NCAM2: variants seen among roughly 807,000 people sequenced by gnomAD.
The protein encoded by NCAM2 is neural cell adhesion molecule 2.
A neutral mutation model predicts 98.1 loss-of-function variants in NCAM2; 30 were observed. The observed-to-expected ratio is 0.31, with a 90% CI of 0.23 to 0.41. NCAM2 has a LOEUF of 0.41. Among genes scored for constraint, NCAM2 ranks in the 10% least tolerant of loss-of-function variants. The pLI is 1.00. For synonymous variants in NCAM2, 368 were observed against 342.4 expected (o/e 1.07, Z -0.83); for missense variants, 867 against 1,005.8 (o/e 0.86, Z 1.87).
At chr21:21,495,630 C>T (rs779277773) in intron 15 of NCAM2, among the ~76,000 whole-genome samples, 6 of 152,080 alleles carry the variant, frequency 3.9e-5, no homozygotes, top group Non-Finnish European at 8.8e-5. Flanking sequence ...TCCTCTTTAA[C>T]AGCATCCTTC....
chr21:21,246,272 G>A (rs1888083290), intron 1 of NCAM2, among the ~76,000 whole-genome samples: 1 of 152,016 alleles, frequency 6.6e-6, no homozygotes, highest in South Asian at 2.1e-4. Flanking sequence ...AAGCTCATGA[G>A]CTTATAAGAT....
intron 1 of NCAM2, among the ~76,000 whole-genome samples, chr21:21,176,134 T>A (rs1422442153): frequency 6.6e-6 from 1 of 152,172 alleles, no homozygotes; most frequent in Non-Finnish European, 1.5e-5. Context: ...TGTGACAAAC[T>A]GGGCTCTTTC....
At chr21:21,154,856 G>C (rs2067564284) in intron 1 of NCAM2, among the ~76,000 whole-genome samples, 1 of 151,844 alleles carries the variant, frequency 6.6e-6, no homozygotes, top group South Asian at 2.1e-4. Context: ...AGCAATAGTT[G>C]AGGTTGTTGG....
rs577179072 is a variant in NCAM2, at chr21:21,038,157, A to G, written c.55+39539A>G. 5.3e-5 allele frequency among the ~76,000 whole-genome samples: 8 copies of G among 152,286 alleles called. No homozygotes were observed. In the East Asian group the frequency reaches 1.5e-3, roughly 29 times the overall value. On this transcript the variant is annotated intron_variant, in intron 1 of 17. Coordinates refer to ENST00000400546, the MANE Select transcript of NCAM2 (RefSeq NM_004540.5). ...TGCTGCTACTGTTAACTTACCAATT[A>G]GCATGATCTAAATCTAAATTCATTT...
intron 1 of NCAM2, among the ~76,000 whole-genome samples, chr21:21,138,699 T>C (rs2067109738): frequency 6.6e-6 from 1 of 152,154 alleles, no homozygotes; most frequent in African/African-American, 2.4e-5. Flanking sequence ...TTATAATAAA[T>C]AATTAGTGTA....
intron 1 of NCAM2, among the ~76,000 whole-genome samples, chr21:21,052,264 C>T (rs902873667): frequency 2.0e-5 from 3 of 150,494 alleles, no homozygotes; most frequent in African/African-American, 7.3e-5. Flanking sequence ...CCCGGGTTCA[C>T]ACCATTCTCC....
chr21:21,044,350 C>A (rs548312352), intron 1 of NCAM2, among the ~76,000 whole-genome samples: 1 of 152,166 alleles, frequency 6.6e-6, no homozygotes, highest in East Asian at 1.9e-4. Flanking sequence ...AGTTAATCTT[C>A]CTTTTCAAGA....
At chr21:21,009,004 T>C (rs2064158946) in intron 1 of NCAM2, among the ~76,000 whole-genome samples, 1 of 152,158 alleles carries the variant, frequency 6.6e-6, no homozygotes, top group South Asian at 2.1e-4. Context: ...TACTTTACTG[T>C]GACCTTCCAT....
At position 21,537,879 on chromosome 21, in the gene NCAM2, A is replaced by C; in HGVS notation, c.2436A>C (p.Glu812Asp). 1 of 1,574,292 alleles carries C rather than the reference A, an allele frequency of 6.4e-7. No individual in the cohort carries two copies. Among genetic ancestry groups the C allele is most frequent in the Non-Finnish European group, 8.6e-7 (1 of 1,159,858 alleles). ...KLPLKEEDGK[E>D]ALNPETIEIK... ...CTTTAAAGGAAGAAGATGGGAAAGAAGCTCTAAATCCAGAAACTATAGAAA... is the reference window on the plus strand; with the variant it reads ...CTTTAAAGGAAGAAGATGGGAAAGACGCTCTAAATCCAGAAACTATAGAAA... Residue 812 changes from glutamate (E) to aspartate (D), a missense_variant, in exon 18 of 18, where the codon GAA becomes GAC. Coordinates refer to ENST00000400546, the MANE Select transcript of NCAM2 (RefSeq NM_004540.5).
At chr21:21,445,627 G>A (rs754105021) in intron 12 of NCAM2, among the ~76,000 whole-genome samples, 1 of 151,850 alleles carries the variant, frequency 6.6e-6, no homozygotes, top group Admixed American at 6.6e-5. Context: ...TTGGTTTAAA[G>A]TGTGTTTCAT....
intron 10 of NCAM2, among the ~76,000 whole-genome samples, chr21:21,411,000 C>T (rs1177136539): frequency 4.3e-5 from 4 of 92,026 alleles, no homozygotes; most frequent in African/African-American, 1.2e-4. Context: ...AGCGAGACTC[C>T]GTCTTAAAAA....
chr21:21,173,046 A>G (rs1432856821), intron 1 of NCAM2, among the ~76,000 whole-genome samples: 1 of 152,180 alleles, frequency 6.6e-6, no homozygotes, highest in Non-Finnish European at 1.5e-5. Flanking sequence ...CACTTCTTGC[A>G]AGGGACTTTG....
At chr21:21,461,896 C>A (rs1057189013) in intron 12 of NCAM2, among the ~76,000 whole-genome samples, 1 of 151,908 alleles carries the variant, frequency 6.6e-6, no homozygotes, top group Non-Finnish European at 1.5e-5. Flanking sequence ...TGAAGTCATT[C>A]GTACGTGTGG....
chr21:21,052,572 C>CA (rs2065132475), intron 1 of NCAM2, among the ~76,000 whole-genome samples: 1 of 152,020 alleles, frequency 6.6e-6, no homozygotes, highest in Non-Finnish European at 1.5e-5. Context: ...GAATTGTCCA[C>CA]AATACTGAAC....
At chr21:21,322,810 C>T (rs1307813688) in intron 5 of NCAM2, among the ~76,000 whole-genome samples, 1 of 152,092 alleles carries the variant, frequency 6.6e-6, no homozygotes, top group African/African-American at 2.4e-5. Context: ...TGCCATTATT[C>T]ATAAAAGGTA....
At chr21:21,116,866 A>T (rs1329103300) in intron 1 of NCAM2, among the ~76,000 whole-genome samples, 1 of 152,148 alleles carries the variant, frequency 6.6e-6, no homozygotes, top group African/African-American at 2.4e-5. Context: ...AAAGAAAAAA[A>T]AAAAAGAAAA....
chr21:21,364,485 T>C (rs232502), intron 8 of NCAM2, among the ~76,000 whole-genome samples: 4,507 of 152,078 alleles, frequency 0.03, 203 homozygotes, highest in African/African-American at 0.1. Context: ...ACAACAGTAA[T>C]TATACATATA....
intron 12 of NCAM2, among the ~76,000 whole-genome samples, chr21:21,458,221 G>A (rs35782770): frequency 0.051 from 7,814 of 152,270 alleles, 290 homozygotes; most frequent in Non-Finnish European, 0.079. Flanking sequence ...GCCTGGTCTC[G>A]GGTAGGACAT....
At chr21:21,194,362 A>G (rs1237833947) in intron 1 of NCAM2, among the ~76,000 whole-genome samples, 1 of 152,198 alleles carries the variant, frequency 6.6e-6, no homozygotes, top group East Asian at 1.9e-4. Flanking sequence ...TTATAAAGAG[A>G]GTTGCTGAGT....
Sources: allele counts gnomAD v4.1 joint callset (sites outside exome capture counted in the v4.1 genomes callset), GRCh38; gene constraint gnomAD v4.1.1; transcripts MANE v1.5; gene names NCBI Gene and HGNC (gene_info 2026-07-23, HGNC 2026-07-21).